The following SLC25A12 variants were observed in gnomAD, a reference collection of about 807,000 sequenced individuals.
SLC25A12 encodes electrogenic aspartate/glutamate antiporter SLC25A12, mitochondrial.
A neutral mutation model predicts 83.3 loss-of-function variants in SLC25A12; 32 were observed. That is an observed-to-expected ratio of 0.38 (90% CI 0.29 to 0.52). The LOEUF (loss-of-function observed/expected upper bound fraction) is 0.52. SLC25A12 is among the 20% of genes least tolerant of loss of function. SLC25A12 has a pLI of 0.84. For missense variants in SLC25A12, 611 were observed against 835.6 expected (o/e 0.73, Z 3.31); for synonymous variants, 267 against 291.1 (o/e 0.92, Z 0.84).
In SLC25A12 at chr2:171,815,194, A is replaced by G. The variant is rs753113800; in HGVS notation, c.939T>C (p.Pro313=). ...NLAELQRQQS[P]GLGRPIWLQI... is the part of the protein sequence containing the mutation. ...GGAGCCAGATAGGCCTGCCTAACCC[A>G]GGAGACTGCTGCAGAGAAGAAAACG... The change falls in exon 10 of 18, where the codon CCT becomes CCC. Residue 313 remains proline (P), a synonymous_variant. Transcript: ENST00000422440. 1.2e-6 allele frequency: 2 copies of G among 1,613,230 alleles called. No homozygotes were observed. The highest frequency in any genetic ancestry group is 2.2e-5 in the East Asian group (1 of 44,874).
chr2:171,823,641 T>C (rs1329187248), intron 9 of SLC25A12, among the ~76,000 whole-genome samples: 1 of 152,204 alleles, frequency 6.6e-6, no homozygotes. Context: ...AGAAAGACTA[T>C]CTTCTATGTG....
intron 2 of SLC25A12, among the ~76,000 whole-genome samples, chr2:171,885,910 T>C (rs1194676356): frequency 1.3e-5 from 2 of 152,226 alleles, no homozygotes; most frequent in African/African-American, 4.8e-5. Flanking sequence ...CAAAGCTTAA[T>C]ACATATACAT....
At chr2:171,887,318 T>C (rs1163099243) in intron 2 of SLC25A12, among the ~76,000 whole-genome samples, 1 of 152,214 alleles carries the variant, frequency 6.6e-6, no homozygotes, top group Non-Finnish European at 1.5e-5. Context: ...ATCTTCATTG[T>C]TACATTGGTG....
chr2:171,836,499 G>A (rs1371847071), intron 6 of SLC25A12, among the ~76,000 whole-genome samples: 1 of 152,202 alleles, frequency 6.6e-6, no homozygotes, highest in African/African-American at 2.4e-5. Flanking sequence ...TATGTCTGGT[G>A]CATACAGACT....
At chr2:171,789,438 C>T (rs1332513184) in intron 15 of SLC25A12, among the ~76,000 whole-genome samples, 1 of 152,110 alleles carries the variant, frequency 6.6e-6, no homozygotes, top group Non-Finnish European at 1.5e-5. Context: ...CCGTGTTAGC[C>T]AGGATGGTCT....
At chr2:171,875,696 G>A (rs141392027) in intron 2 of SLC25A12, among the ~76,000 whole-genome samples, 3,215 of 151,634 alleles carry the variant, frequency 0.021, 55 homozygotes, top group Middle Eastern at 0.044. Flanking sequence ...GGTGGATCAC[G>A]AGGTCAGGAG....
intron 9 of SLC25A12, among the ~76,000 whole-genome samples, 200 bp downstream of exon 9, chr2:171,826,598 G>C (rs559153554): frequency 3.0e-4 from 46 of 152,154 alleles, no homozygotes; most frequent in Non-Finnish European, 5.9e-4. Context: ...AACACAGCCA[G>C]ACTCCATCTC....
chr2:171,876,551 G>T (rs928266015), intron 2 of SLC25A12, among the ~76,000 whole-genome samples: 1 of 140,482 alleles, frequency 7.1e-6, no homozygotes, highest in African/African-American at 2.6e-5. Flanking sequence ...TTTGGGGGGG[G>T]GGGGACTCAA....
intron 5 of SLC25A12, among the ~76,000 whole-genome samples, chr2:171,844,031 C>T (rs1221850519): frequency 2.0e-5 from 3 of 152,042 alleles, no homozygotes; most frequent in Admixed American, 6.6e-5. Flanking sequence ...GTGATCTGCC[C>T]GCCTCGGCCT....
intron 3 of SLC25A12, among the ~76,000 whole-genome samples, chr2:171,866,647 C>A (rs1229283128): frequency 8.5e-6 from 1 of 118,284 alleles, no homozygotes; most frequent in Non-Finnish European, 1.8e-5. Context: ...CTGACCCCCC[C>A]ACCTCCCTCC....
intron 4 of SLC25A12, among the ~76,000 whole-genome samples, chr2:171,853,239 G>C (rs571207147): frequency 1.7e-4 from 26 of 152,286 alleles, no homozygotes; most frequent in Admixed American, 1.4e-3. Context: ...AAGAATGAAA[G>C]CAAGATTCTT....
chr2:171,837,948 G>A (rs754305059), intron 5 of SLC25A12, among the ~76,000 whole-genome samples: 3 of 151,960 alleles, frequency 2.0e-5, no homozygotes, highest in Admixed American at 6.6e-5. Context: ...TGAACTATTG[G>A]GCAACCAAAC....
chr2:171,865,695 TA>T (rs1305527298), intron 3 of SLC25A12, among the ~76,000 whole-genome samples: 4 of 151,544 alleles, frequency 2.6e-5, no homozygotes, highest in East Asian at 1.9e-4. Flanking sequence ...ATATATAAAA[TA>T]TTTTTTTAAT....
rs1218877360 is a variant in SLC25A12 at position 171,826,861 on chromosome 2, A to G, written c.867T>C (p.Ile289=). The change falls in exon 9 of 18, where the codon ATT becomes ATC. Residue 289 remains isoleucine, a synonymous_variant. Transcript: ENST00000422440. ...CCTCAGCCAATGGGGCTATTCTCTC[A>G]ATATCTGCCAAAGTCAAGCGCCTTC... ...NASGRLTLAD[I]ERIAPLAEGA... 1.2e-6 allele frequency: 2 copies of G among 1,609,918 alleles called. No homozygotes were observed. The highest frequency in any genetic ancestry group is 1.7e-6 in the Non-Finnish European group (2 of 1,176,420).
chr2:171,861,772 C>A (rs572589812), intron 3 of SLC25A12, among the ~76,000 whole-genome samples: 1 of 152,168 alleles, frequency 6.6e-6, no homozygotes, highest in Non-Finnish European at 1.5e-5. Context: ...GCTAGAAGGG[C>A]CCAATCAAGA....
chr2:171,866,792 G>T (rs1290090856), intron 3 of SLC25A12, among the ~76,000 whole-genome samples: 1 of 147,360 alleles, frequency 6.8e-6, no homozygotes, highest in Non-Finnish European at 1.5e-5. Flanking sequence ...CTCCCGGACG[G>T]GGCGGCTGGC....
chr2:171,787,701 G>C, intron 16 of SLC25A12, 40 bp from the exon 17 acceptor site: 1 of 1,609,030 alleles, frequency 6.2e-7, no homozygotes, highest in Non-Finnish European at 8.5e-7. Context: ...CTTGAAACCA[G>C]GACAAATGTG....
In SLC25A12 at chr2:171,791,893, T is replaced by A. The variant is rs113084839; in HGVS notation, c.1447-304A>T. ...TAAGAACTTTCTGGCATTTCTTATA[T>A]AGATTCAGAGTTTTTAAAATTAATT... On this transcript the variant is annotated intron_variant, in intron 14 of 17. Transcript: ENST00000422440. Among the ~76,000 whole-genome samples the A allele has an allele frequency of 6.1e-3, 922 of 152,288 alleles. 14 individuals carry two copies. The highest frequency in any genetic ancestry group is 0.021 in the African/African-American group (865 of 41,550).
chr2:171,838,799 A>G (rs1036489763), intron 5 of SLC25A12, among the ~76,000 whole-genome samples: 3 of 152,198 alleles, frequency 2.0e-5, no homozygotes, highest in African/African-American at 7.2e-5. Context: ...CTGGCTTCCA[A>G]ATGATCCTGC....
Sources: allele counts gnomAD v4.1 joint callset (sites outside exome capture counted in the v4.1 genomes callset), GRCh38; gene constraint gnomAD v4.1.1; transcripts MANE v1.5; gene names NCBI Gene and HGNC (gene_info 2026-07-23, HGNC 2026-07-21).